NCKAP5: variants seen among roughly 807,000 people sequenced by gnomAD.
NCKAP5 encodes the protein nck-associated protein 5.
In NCKAP5, 92 loss-of-function variants were observed where a neutral mutation model predicts 167.0. The ratio of observed to expected loss-of-function variants is 0.55; its 90% CI spans 0.47 to 0.66. The LOEUF is 0.66. Among genes scored for constraint, NCKAP5 ranks in the 30% least tolerant of loss-of-function variants. NCKAP5 has a pLI of 0.00. For missense variants in NCKAP5, 2,378 were observed against 2,315.0 expected (o/e 1.03, Z -0.56); for synonymous variants, 891 against 877.4 (o/e 1.02, Z -0.27).
chr2:133,206,619 A>T (rs1252335388), intron 5 of NCKAP5, among the ~76,000 whole-genome samples: 1 of 152,214 alleles, frequency 6.6e-6, no homozygotes, highest in Non-Finnish European at 1.5e-5. Flanking sequence ...ATTGTAAAAT[A>T]TGTGTTTGAA....
At chr2:132,850,448 C>T (rs918443243) in intron 11 of NCKAP5, among the ~76,000 whole-genome samples, 5 of 151,944 alleles carry the variant, frequency 3.3e-5, no homozygotes, top group Non-Finnish European at 5.9e-5. Flanking sequence ...CCGGAGAGAA[C>T]CCTGGCTAAG....
intron 3 of NCKAP5, among the ~76,000 whole-genome samples, chr2:133,426,719 T>C (rs1389578174): frequency 6.6e-6 from 1 of 152,196 alleles, no homozygotes; most frequent in Non-Finnish European, 1.5e-5. Flanking sequence ...AAATAAAGTA[T>C]GATCTTTAGT....
intron 4 of NCKAP5, among the ~76,000 whole-genome samples, chr2:133,258,685 G>A (rs1383050023): frequency 6.6e-6 from 1 of 151,848 alleles, no homozygotes; most frequent in Non-Finnish European, 1.5e-5. Flanking sequence ...GGTTGAGGTT[G>A]CAGTGAGCCG....
chr2:132,979,000 C>T (rs1019171642), intron 7 of NCKAP5, among the ~76,000 whole-genome samples: 4 of 152,140 alleles, frequency 2.6e-5, no homozygotes, highest in African/African-American at 4.8e-5. Context: ...CAGCTCTACA[C>T]GTAAGGCTTT....
chr2:132,989,707 G>A (rs1357142140), intron 7 of NCKAP5, among the ~76,000 whole-genome samples: 1 of 152,162 alleles, frequency 6.6e-6, no homozygotes, highest in Non-Finnish European at 1.5e-5. Context: ...ATTTTAGACT[G>A]TGCCTACTTT....
At chr2:133,207,536 G>A (rs1379659655) in intron 5 of NCKAP5, among the ~76,000 whole-genome samples, 3 of 152,110 alleles carry the variant, frequency 2.0e-5, no homozygotes, top group Non-Finnish European at 4.4e-5. Context: ...CAGGAACCAG[G>A]TGACCTTGGA....
chr2:133,307,250 T>G (rs141765932), intron 3 of NCKAP5, among the ~76,000 whole-genome samples: 10 of 152,000 alleles, frequency 6.6e-5, no homozygotes, highest in African/African-American at 1.9e-4. Flanking sequence ...AATTAAGAAA[T>G]AAAGGATAAG....
chr2:132,786,337 T>G (rs1683566375), intron 13 of NCKAP5, among the ~76,000 whole-genome samples: 1 of 152,224 alleles, frequency 6.6e-6, no homozygotes, highest in African/African-American at 2.4e-5. Flanking sequence ...AGTAAGTTGG[T>G]TGATATCTTT....
intron 8 of NCKAP5, among the ~76,000 whole-genome samples, chr2:132,879,894 T>C (rs954368727): frequency 6.6e-6 from 1 of 152,246 alleles, no homozygotes. Context: ...ACCTTTTATT[T>C]GGAAATAATT....
At chr2:133,550,330 T>C (rs1260861997) in intron 2 of NCKAP5, among the ~76,000 whole-genome samples, 1 of 149,738 alleles carries the variant, frequency 6.7e-6, no homozygotes, top group East Asian at 2.0e-4. Context: ...TTGATGAACA[T>C]TGATGCAAAA....
intron 4 of NCKAP5, among the ~76,000 whole-genome samples, chr2:133,285,587 T>A (rs1442004241): frequency 6.6e-6 from 1 of 152,202 alleles, no homozygotes; most frequent in African/African-American, 2.4e-5. Flanking sequence ...ATTTCTGGAA[T>A]AAATGATCTG....
At chr2:133,295,510 T>G (rs1270992953) in intron 4 of NCKAP5, among the ~76,000 whole-genome samples, 1 of 152,222 alleles carries the variant, frequency 6.6e-6, no homozygotes, top group Non-Finnish European at 1.5e-5. Flanking sequence ...TCTTAAAATA[T>G]CTATGACATA....
rs74696422 is a variant in NCKAP5 at position 132,719,430 on chromosome 2, T to A, written c.5713+6197A>T. On this transcript the variant is annotated intron_variant, in intron 19 of 19. Coordinates refer to ENST00000409261, the MANE Select transcript of NCKAP5 (RefSeq NM_207363.3). ...GAGGTATAATTGACAGACAAAAAGC[T>A]GAACATATTTAACGTGTACCTTGGT... 5.7e-3 allele frequency among the ~76,000 whole-genome samples: 867 copies of A among 152,330 alleles called. 10 individuals carry two copies. Among genetic ancestry groups the A allele is most frequent in the African/African-American group, 0.019 (786 of 41,578 alleles).
At chr2:133,422,071 T>G (rs185382729) in intron 3 of NCKAP5, among the ~76,000 whole-genome samples, 83 of 152,364 alleles carry the variant, frequency 5.4e-4, no homozygotes, top group Non-Finnish European at 2.1e-4. Flanking sequence ...TATGTGCTAT[T>G]GTGCTAGAGC....
chr2:133,653,902 C>A, the NCKAP5 span, among the ~76,000 whole-genome samples: 1 of 152,142 alleles, frequency 6.6e-6, no homozygotes, highest in Non-Finnish European at 1.5e-5. Context: ...AGCCATCCAC[C>A]TTCAGGGAAG....
chr2:133,094,531 T>C (rs892315987), intron 6 of NCKAP5, among the ~76,000 whole-genome samples: 1 of 152,188 alleles, frequency 6.6e-6, no homozygotes, highest in Non-Finnish European at 1.5e-5. Context: ...TGTATACTTA[T>C]GTGCATTTGG....
chr2:133,625,795 C>A, the NCKAP5 span, among the ~76,000 whole-genome samples: 5,741 of 150,276 alleles, frequency 0.038, 390 homozygotes, highest in African/African-American at 0.13. Flanking sequence ...TGGCGTGAAC[C>A]TGGGAGGCGG....
intron 6 of NCKAP5, among the ~76,000 whole-genome samples, chr2:133,078,856 C>T (rs2080705498): frequency 2.0e-5 from 3 of 152,070 alleles, no homozygotes; most frequent in Admixed American, 2.0e-4. Flanking sequence ...TCAGTACTTA[C>T]AGGCTTAGAT....
At chr2:133,594,638 C>A in the NCKAP5 span, among the ~76,000 whole-genome samples, 2 of 152,158 alleles carry the variant, frequency 1.3e-5, no homozygotes, top group East Asian at 3.8e-4. Flanking sequence ...TTTTCTGCTA[C>A]CCCTGCTTTC....
Sources: allele counts gnomAD v4.1 joint callset (sites outside exome capture counted in the v4.1 genomes callset), GRCh38; gene constraint gnomAD v4.1.1; transcripts MANE v1.5; gene names NCBI Gene and HGNC (gene_info 2026-07-23, HGNC 2026-07-21).